Variants in EBF3 observed in about 807,000 individuals in gnomAD.
The protein encoded by EBF3 is EBF transcription factor 3.
A neutral mutation model predicts 77.1 loss-of-function variants in EBF3; 18 were observed. The ratio of observed to expected loss-of-function variants is 0.23; its 90% CI spans 0.16 to 0.35. The LOEUF (loss-of-function observed/expected upper bound fraction) is 0.35. Ranked by LOEUF, EBF3 falls within the 10% of genes least tolerant of loss-of-function variation. The pLI, the probability that EBF3 is intolerant of heterozygous loss-of-function variation, is 1.00. For synonymous variants in EBF3, 350 were observed against 343.5 expected, an observed-to-expected ratio of 1.02 and a Z score of -0.21; for missense variants, 558 against 860.0, an observed-to-expected ratio of 0.65 and a Z score of 4.39.
Position 129,841,044 on chromosome 10 carries a change from C to CCCCT in EBF3, c.1373-13_1373-12insAGGG. The stretch of plus-strand genomic sequence containing the variant: ...GCGACTGTAGCCGACTGTTGAAATC[C>CCCCT]CCCCCCCGGCCAAAAATAACATTAT... On this transcript the variant is annotated splice_polypyrimidine_tract_variant and intron_variant, in intron 13 of 16. Coordinates refer to ENST00000440978, the MANE Select transcript of EBF3 (RefSeq NM_001375380.1). This position sits in a 1 kb window ranked among gnomAD's most constrained non-coding sequence, Gnocchi z 4.6. 1.3e-6 allele frequency: 2 copies of CCCCT among 1,599,488 alleles called. No homozygotes were observed. The highest frequency in any genetic ancestry group is 2.2e-5 in the East Asian group (1 of 44,716).
At chr10:129,905,160 A>G (rs1325766739) in intron 6 of EBF3, among the ~76,000 whole-genome samples, 1 of 152,162 alleles carries the variant, frequency 6.6e-6, no homozygotes, top group Non-Finnish European at 1.5e-5. Context: ...GACTCCAGGG[A>G]AAGTGTAGCT....
At chr10:129,921,635 T>G (rs1450487397) in intron 6 of EBF3, among the ~76,000 whole-genome samples, 1 of 152,178 alleles carries the variant, frequency 6.6e-6, no homozygotes, top group African/African-American at 2.4e-5. Flanking sequence ...GTGACAGGCC[T>G]GGCTACCTCA....
intron 14 of EBF3, 89 bp from the exon 15 acceptor site, chr10:129,840,531 G>A (rs745966735): frequency 5.7e-6 from 8 of 1,410,228 alleles, no homozygotes; most frequent in Middle Eastern, 2.3e-4. Context: ...GGACGGGGGG[G>A]CAGGGGCACG....
intron 6 of EBF3, among the ~76,000 whole-genome samples, chr10:129,933,708 G>A (rs142329811): frequency 6.6e-6 from 1 of 152,316 alleles, no homozygotes; most frequent in Non-Finnish European, 1.5e-5. Context: ...CCTTTCATCA[G>A]CCAGACCACA....
chr10:129,858,124 T>G (rs1046902794), intron 10 of EBF3, among the ~76,000 whole-genome samples: 1 of 152,206 alleles, frequency 6.6e-6, no homozygotes, highest in Non-Finnish European at 1.5e-5. Flanking sequence ...AGCCAGGGCA[T>G]GGCCTGGAAC....
chr10:129,857,624 A>G (rs1027033260), intron 10 of EBF3, among the ~76,000 whole-genome samples: 6 of 152,206 alleles, frequency 3.9e-5, no homozygotes, highest in Non-Finnish European at 8.8e-5. Flanking sequence ...TCATTCCCGC[A>G]AGACCTCAAG....
At chr10:129,890,148 G>A (rs935845159) in intron 6 of EBF3, among the ~76,000 whole-genome samples, 3 of 152,014 alleles carry the variant, frequency 2.0e-5, no homozygotes, top group African/African-American at 7.2e-5. Flanking sequence ...CTCAGATAAT[G>A]AAAATTTTTT....
rs1854498243 is a variant in EBF3 at position 129,897,795 on chromosome 10, T to C, written c.555-19946A>G. Among the ~76,000 whole-genome samples, 1 of 152,222 alleles carries C rather than the reference T, an allele frequency of 6.6e-6. No individual in the cohort carries two copies. The highest frequency in any genetic ancestry group is 2.1e-4 in the South Asian group (1 of 4,826). On this transcript the variant is annotated intron_variant, in intron 6 of 16. Coordinates refer to ENST00000440978, the MANE Select transcript of EBF3 (RefSeq NM_001375380.1). This position sits in a 1 kb window ranked among gnomAD's most constrained non-coding sequence, Gnocchi z 4.6. ...ATGACATCTTACTTTCCTACATTTA[T>C]CGTGACGGGGCCACTTGTGGGTATG...
intron 6 of EBF3, among the ~76,000 whole-genome samples, chr10:129,892,890 G>A (rs1004476944): frequency 6.6e-6 from 1 of 152,164 alleles, no homozygotes; most frequent in African/African-American, 2.4e-5. Flanking sequence ...CCCCAAATAT[G>A]TATTTTCCCA....
intron 6 of EBF3, among the ~76,000 whole-genome samples, chr10:129,923,137 G>T (rs951645505): frequency 1.3e-5 from 2 of 152,214 alleles, no homozygotes; most frequent in Non-Finnish European, 2.9e-5. Context: ...TGTTACTGTT[G>T]TTATTATTTT....
At chr10:129,959,217 C>G (rs1859284202) in intron 4 of EBF3, among the ~76,000 whole-genome samples, 2 of 152,140 alleles carry the variant, frequency 1.3e-5, no homozygotes, top group South Asian at 4.1e-4. Flanking sequence ...CTCCCAGCCT[C>G]CTCCCCCGGG....
rs943355645 is a variant in EBF3, at chr10:129,879,408, C to T, written c.555-1559G>A. Among the ~76,000 whole-genome samples, 74 of 152,284 alleles carry T rather than the reference C, an allele frequency of 4.9e-4. No individual in the cohort carries two copies. Among genetic ancestry groups the T allele is most frequent in the Non-Finnish European group, 1.0e-3 (69 of 68,032 alleles). ...GATGAAGTTTCACATGATTTTCTTACGTTCAAGGTTCCTCGCTGGCAATTA... is the reference window on the plus strand; with the variant it reads ...GATGAAGTTTCACATGATTTTCTTATGTTCAAGGTTCCTCGCTGGCAATTA... On this transcript the variant is annotated intron_variant, in intron 6 of 16. Transcript: ENST00000440978. This position sits in a 1 kb window ranked among gnomAD's most constrained non-coding sequence, Gnocchi z 4.7.
intron 6 of EBF3, among the ~76,000 whole-genome samples, chr10:129,896,506 G>A (rs1040298306): frequency 3.9e-5 from 6 of 152,290 alleles, no homozygotes; most frequent in East Asian, 3.9e-4. Context: ...GGCGGGGGCC[G>A]GCGTGGGCCG....
intron 6 of EBF3, among the ~76,000 whole-genome samples, chr10:129,908,017 T>C (rs371332402): frequency 9.2e-5 from 14 of 152,232 alleles, no homozygotes; most frequent in African/African-American, 3.4e-4. Context: ...AAGACACAGC[T>C]ACCTCATTCT....
At chr10:129,878,823 CAAAAAAA>C (rs10654202) in intron 6 of EBF3, among the ~76,000 whole-genome samples, 13 of 58,758 alleles carry the variant, frequency 2.2e-4, no homozygotes, top group East Asian at 5.3e-4. Context: ...AAATCGGTCT[CAAAAAAA>C]AAAAAAAAAA....
chr10:129,884,596 A>G (rs10829658), intron 6 of EBF3, among the ~76,000 whole-genome samples: 84,048 of 152,048 alleles, frequency 0.55, 24,751 homozygotes, highest in Admixed American at 0.67. Context: ...ATGACGTCAT[A>G]GCGAAGGGGC....
Position 129,963,799 on chromosome 10 carries a change from G to A in EBF3, c.-31C>T, listed in dbSNP as rs756687051. 1.3e-6 allele frequency: 2 copies of A among 1,490,324 alleles called. No individual in the cohort carries two copies. Among genetic ancestry groups the A allele is most frequent in the Non-Finnish European group, 1.8e-6 (2 of 1,108,844 alleles). The allele number at this position is 1,490,324 out of a possible 1,614,324, so 92.3% of individuals were successfully genotyped here. On this transcript the variant is annotated 5_prime_UTR_variant, in exon 1 of 17. Coordinates refer to ENST00000440978, the MANE Select transcript of EBF3 (RefSeq NM_001375380.1). This position sits in a 1 kb window ranked among gnomAD's most constrained non-coding sequence, Gnocchi z 7.1. Reference sequence around the variant, plus strand: ...CTGCTGGCGGCGGCCGCAGCTCCCGGCCGAAAGCGTTTCCTCGAGCAGCGG... The same window carrying A: ...CTGCTGGCGGCGGCCGCAGCTCCCGACCGAAAGCGTTTCCTCGAGCAGCGG...
At chr10:129,850,771 A>G (rs1321848306) in intron 10 of EBF3, among the ~76,000 whole-genome samples, 4 of 152,206 alleles carry the variant, frequency 2.6e-5, no homozygotes, top group African/African-American at 7.2e-5. Flanking sequence ...TGCCCCCAAG[A>G]GCACCTGCCT....
At chr10:129,960,376 C>A (rs1000386576) in intron 4 of EBF3, among the ~76,000 whole-genome samples, 2 of 152,252 alleles carry the variant, frequency 1.3e-5, no homozygotes, top group African/African-American at 2.4e-5. Context: ...GAACCCCGCT[C>A]ACCCAGCCTC....
Sources: allele counts gnomAD v4.1 joint callset (sites outside exome capture counted in the v4.1 genomes callset), GRCh38; gene constraint gnomAD v4.1.1; non-coding constraint Gnocchi (gnomAD v3.1); transcripts MANE v1.5; gene names NCBI Gene and HGNC (gene_info 2026-07-23, HGNC 2026-07-21).